Variants in DGKB observed in about 807,000 individuals in gnomAD.
DGKB encodes the protein 90 kDa diacylglycerol kinase.
Under a neutral mutation model 114.3 loss-of-function variants are expected in DGKB, and 67 were observed. The ratio of observed to expected loss-of-function variants is 0.59; its 90% CI spans 0.48 to 0.72. The LOEUF (loss-of-function observed/expected upper bound fraction) is 0.72. DGKB is among the 30% of genes least tolerant of loss of function. The pLI, the probability that DGKB is intolerant of heterozygous loss-of-function variation, is 0.00. For synonymous variants in DGKB, 398 were observed against 323.1 expected (o/e 1.23, Z -2.49); for missense variants, 907 against 975.2 (o/e 0.93, Z 0.93).
intron 6 of DGKB, among the ~76,000 whole-genome samples, chr7:14,717,224 A>C (rs1828346780): frequency 6.6e-6 from 1 of 152,180 alleles, no homozygotes. Flanking sequence ...ACCTAGAAAT[A>C]GTTAAACAGC....
At chr7:14,149,266 GA>G (rs1222776633) in intron 25 of DGKB, 28 bp from the exon 26 acceptor site, 1 of 1,445,918 alleles carries the variant, frequency 6.9e-7, no homozygotes, top group African/African-American at 1.4e-5. Context: ...GAGAGAGAGA[GA>G]AAGAATAGAG....
chr7:14,264,649 G>C (rs1222126084), intron 23 of DGKB, among the ~76,000 whole-genome samples: 2 of 152,172 alleles, frequency 1.3e-5, no homozygotes, highest in Admixed American at 6.5e-5. Flanking sequence ...GCCTTTTAGA[G>C]AAGTCATGTG....
chr7:14,827,281 G>A (rs976485160), intron 2 of DGKB, among the ~76,000 whole-genome samples: 2 of 152,072 alleles, frequency 1.3e-5, no homozygotes, highest in Non-Finnish European at 2.9e-5. Flanking sequence ...AACTAGATAA[G>A]GCATTACCCA....
chr7:14,430,021 T>C (rs182034), intron 21 of DGKB, among the ~76,000 whole-genome samples: 59,988 of 151,992 alleles, frequency 0.39, 12,722 homozygotes, highest in Non-Finnish European at 0.48. Context: ...GGGAAATGAT[T>C]GCTTTTTACT....
chr7:14,949,447 A>G (rs1786054936), intron 1 of DGKB, among the ~76,000 whole-genome samples: 1 of 152,012 alleles, frequency 6.6e-6, no homozygotes, highest in South Asian at 2.1e-4. Context: ...AACATAATGC[A>G]GAAACATTAT....
chr7:14,234,245 C>A (rs894596380), intron 23 of DGKB, among the ~76,000 whole-genome samples: 1 of 151,900 alleles, frequency 6.6e-6, no homozygotes, highest in Non-Finnish European at 1.5e-5. Flanking sequence ...AACCCTTGTC[C>A]GTGCTAATTG....
At chr7:14,738,743 T>C (rs1832110016) in intron 4 of DGKB, among the ~76,000 whole-genome samples, 1 of 152,230 alleles carries the variant, frequency 6.6e-6, no homozygotes, top group African/African-American at 2.4e-5. Context: ...ATTGTTGTCC[T>C]TGTTGCTGCT....
chr7:14,777,485 C>A (rs995919261), intron 2 of DGKB, among the ~76,000 whole-genome samples: 8 of 152,188 alleles, frequency 5.3e-5, no homozygotes, highest in African/African-American at 1.9e-4. Flanking sequence ...GTGGCAGGTA[C>A]CTCCATGCTG....
intron 21 of DGKB, among the ~76,000 whole-genome samples, chr7:14,458,487 A>C (rs1157345561): frequency 6.6e-6 from 1 of 152,084 alleles, no homozygotes; most frequent in African/African-American, 2.4e-5. Flanking sequence ...CTGCATTTCC[A>C]ACTGAGGCAC....
chr7:14,372,417 A>C (rs1374645378), intron 21 of DGKB, among the ~76,000 whole-genome samples: 1 of 152,122 alleles, frequency 6.6e-6, no homozygotes, highest in African/African-American at 2.4e-5. Flanking sequence ...AGTGGGGGGA[A>C]CTATATTTTT....
chr7:14,459,821 GA>G (rs1444514633), intron 21 of DGKB, among the ~76,000 whole-genome samples: 1 of 152,040 alleles, frequency 6.6e-6, no homozygotes, highest in East Asian at 1.9e-4. Flanking sequence ...TGAAATGAAG[GA>G]AAAAATGTTA....
At chr7:14,265,004 C>T (rs1190243076) in intron 23 of DGKB, among the ~76,000 whole-genome samples, 1 of 152,068 alleles carries the variant, frequency 6.6e-6, no homozygotes, top group Non-Finnish European at 1.5e-5. Flanking sequence ...TTGTGATGGA[C>T]ACTGGCAGAA....
chr7:14,864,840 C>T (rs1210057355), intron 1 of DGKB, among the ~76,000 whole-genome samples: 2 of 151,540 alleles, frequency 1.3e-5, no homozygotes, highest in African/African-American at 2.4e-5. Flanking sequence ...GGTCTTAAGA[C>T]TTAATCCTTT....
At chr7:14,766,007 C>A (rs1220797535) in intron 2 of DGKB, among the ~76,000 whole-genome samples, 1 of 151,834 alleles carries the variant, frequency 6.6e-6, no homozygotes. Flanking sequence ...ACATTCAGCT[C>A]TGATAAGCAA....
intron 4 of DGKB, chr7:14,750,325 G>C (rs1388253067): frequency 2.5e-6 from 1 of 404,718 alleles, no homozygotes; most frequent in African/African-American, 2.1e-5. Context: ...TCTGCCGTTT[G>C]AGAAAAAAAA....
Position 14,739,578 on chromosome 7 carries a change from A to G in DGKB, c.169-3384T>C, listed in dbSNP as rs925680950. The stretch of plus-strand genomic sequence containing the variant: ...AATTTTTCCTGATCATGAGACAAGC[A>G]CCCAGATTTAGCTGAATTAAGAAGC... On this transcript the variant is annotated intron_variant, in intron 4 of 25. Transcript: ENST00000402815. 7.2e-5 allele frequency among the ~76,000 whole-genome samples: 11 copies of G among 152,154 alleles called. 1 individual carries two copies. The highest frequency in any genetic ancestry group is 5.9e-4 in the Admixed American group (9 of 15,276).
intron 1 of DGKB, among the ~76,000 whole-genome samples, chr7:14,940,489 T>A (rs1447353649): frequency 6.6e-6 from 1 of 152,108 alleles, no homozygotes; most frequent in Non-Finnish European, 1.5e-5. Flanking sequence ...GGCTGAAAGT[T>A]AATGTGCCCC....
chr7:14,869,760 T>C (rs971296589), intron 1 of DGKB, among the ~76,000 whole-genome samples: 2 of 152,092 alleles, frequency 1.3e-5, no homozygotes, highest in Non-Finnish European at 2.9e-5. Context: ...ATACACAATA[T>C]ATATTCATAT....
At chr7:14,293,486 T>C (rs191477394) in intron 23 of DGKB, among the ~76,000 whole-genome samples, 35 of 152,292 alleles carry the variant, frequency 2.3e-4, no homozygotes, top group African/African-American at 7.7e-4. Context: ...CCATTTATTG[T>C]TATTTAAAAA....
Sources: gnomAD v4.1 joint callset for allele counts (sites outside exome capture counted in the v4.1 genomes callset) on GRCh38, gnomAD v4.1.1 for gene constraint, MANE v1.5 for transcripts, NCBI Gene and HGNC (gene_info 2026-07-23, HGNC 2026-07-21) for gene names.